LPP: variants seen among roughly 807,000 people sequenced by gnomAD.
LPP encodes the protein LIM domain containing preferred translocation partner in lipoma.
A neutral mutation model predicts 60.4 loss-of-function variants in LPP; 38 were observed. That is an observed-to-expected ratio of 0.63 (90% CI 0.49 to 0.83). The LOEUF (loss-of-function observed/expected upper bound fraction) is 0.83. Ranked by LOEUF, LPP falls within the 40% of genes least tolerant of loss-of-function variation. The pLI is 0.00. For missense variants in LPP, 902 were observed against 783.6 expected (o/e 1.15, Z -1.80); for synonymous variants, 328 against 290.8 (o/e 1.13, Z -1.30).
intron 1 of LPP, among the ~76,000 whole-genome samples, chr3:188,185,913 ATGGGTCT>A (rs1726462373): frequency 6.6e-6 from 1 of 152,322 alleles, no homozygotes; most frequent in Non-Finnish European, 1.5e-5. Context: ...GTGCCCATAA[ATGGGTCT>A]TAAATGACTG....
At chr3:188,260,995 C>T (rs1371320077) in intron 2 of LPP, among the ~76,000 whole-genome samples, 1 of 152,106 alleles carries the variant, frequency 6.6e-6, no homozygotes, top group Non-Finnish European at 1.5e-5. Flanking sequence ...ATCCCTTGAA[C>T]CCGGGAGGCG....
chr3:188,716,555 G>T (rs1714087002), intron 8 of LPP, among the ~76,000 whole-genome samples: 1 of 152,196 alleles, frequency 6.6e-6, no homozygotes, highest in African/African-American at 2.4e-5. Flanking sequence ...TTGAAGGTAT[G>T]GAGAGAGGAA....
At chr3:188,787,524 A>ACAC (rs1414633548) in intron 9 of LPP, among the ~76,000 whole-genome samples, 1 of 151,996 alleles carries the variant, frequency 6.6e-6, no homozygotes, top group Non-Finnish European at 1.5e-5. Context: ...CTCTCCACTT[A>ACAC]CACCACACTT....
chr3:188,495,154 ATATT>A (rs1388749361), intron 5 of LPP, among the ~76,000 whole-genome samples: 6 of 112,238 alleles, frequency 5.3e-5, no homozygotes, highest in Non-Finnish European at 8.7e-5. Context: ...TATTATATTT[ATATT>A]TATTTATATA....
At chr3:188,423,515 C>G (rs1486122157) in intron 4 of LPP, among the ~76,000 whole-genome samples, 3 of 152,122 alleles carry the variant, frequency 2.0e-5, no homozygotes, top group East Asian at 1.9e-4. Context: ...CTTGAGGAAT[C>G]GCCACACTCT....
At chr3:188,797,086 G>A (rs559887155) in intron 9 of LPP, among the ~76,000 whole-genome samples, 42 of 151,608 alleles carry the variant, frequency 2.8e-4, no homozygotes, top group African/African-American at 9.0e-4. Flanking sequence ...TAGAATAGCC[G>A]TTAGAGGGAA....
Position 188,883,786 on chromosome 3 carries a change from T to C in LPP, c.*9307T>C, listed in dbSNP as rs1770343607. 5.2e-6 allele frequency: 1 copy of C among 191,618 alleles called. No homozygotes were observed. The highest frequency in any genetic ancestry group is 8.0e-5 in the East Asian group (1 of 12,556). 11.9% of individuals were successfully genotyped at this position (191,618 alleles called of 1,614,324 possible). A position where few individuals can be genotyped will look rare whatever the true frequency, so the allele number is the denominator to read the frequency against. On this transcript the variant is annotated 3_prime_UTR_variant, in exon 12 of 12. Coordinates refer to ENST00000617246, the MANE Select transcript of LPP (RefSeq NM_001375462.1). ...GAAATATTGGTGTATAATCCCCATG[T>C]CTAACAAGGAAGAAGTCAAAAGCAA...
chr3:188,819,070 GTTAC>G (rs1454626607), intron 9 of LPP, among the ~76,000 whole-genome samples: 1 of 135,838 alleles, frequency 7.4e-6, no homozygotes, highest in Non-Finnish European at 1.6e-5. Flanking sequence ...GTGTGTGTGT[GTTAC>G]TTACAATGTT....
intron 7 of LPP, among the ~76,000 whole-genome samples, chr3:188,660,802 G>A (rs1576895845): frequency 1.3e-5 from 2 of 152,080 alleles, no homozygotes; most frequent in South Asian, 4.2e-4. Context: ...CATCTCTGAC[G>A]AGAGTGGCAC....
intron 3 of LPP, among the ~76,000 whole-genome samples, chr3:188,401,745 C>T (rs143681329): frequency 1.3e-5 from 2 of 152,166 alleles, no homozygotes; most frequent in African/African-American, 2.4e-5. Context: ...CAAGGATTTG[C>T]GAGTTTAGTT....
chr3:188,406,023 G>A, intron 3 of LPP, 89 bp from the exon 4 acceptor site: 1 of 1,145,846 alleles, frequency 8.7e-7, no homozygotes, highest in Non-Finnish European at 1.2e-6. Context: ...GATGCATTTA[G>A]TATGGATTAA....
chr3:188,420,269 T>G (rs1181386376), intron 4 of LPP, among the ~76,000 whole-genome samples: 8 of 152,202 alleles, frequency 5.3e-5, no homozygotes, highest in Admixed American at 5.2e-4. Flanking sequence ...GCATTACACC[T>G]TTGTTAGAAG....
Position 188,804,195 on chromosome 3 carries a change from C to T in LPP, c.1410+43913C>T, listed in dbSNP as rs1260444899. ...TTATTCTAGTAGCTTTTTTTTTATTCGGGGGGAGGTTTAATGAAAAAAATT... is the reference window on the plus strand; with the variant it reads ...TTATTCTAGTAGCTTTTTTTTTATTTGGGGGGAGGTTTAATGAAAAAAATT... On this transcript the variant is annotated intron_variant, in intron 9 of 11. Coordinates refer to ENST00000617246, the MANE Select transcript of LPP (RefSeq NM_001375462.1). Among the ~76,000 whole-genome samples, 28 of 115,050 alleles carry T rather than the reference C, an allele frequency of 2.4e-4. No homozygotes were observed. In the East Asian group the frequency reaches 5.9e-3, roughly 24 times the overall value. 75.5% of individuals were successfully genotyped at this position (115,050 alleles called of 152,430 possible). A position where few individuals can be genotyped will look rare whatever the true frequency, so the allele number is the denominator to read the frequency against.
At chr3:188,811,673 G>A (rs987905138) in intron 9 of LPP, among the ~76,000 whole-genome samples, 28 of 151,958 alleles carry the variant, frequency 1.8e-4, no homozygotes, top group Non-Finnish European at 3.4e-4. Flanking sequence ...TCTTGGGGTC[G>A]AAAACTTTCT....
At chr3:188,477,069 C>T (rs1340408007) in intron 4 of LPP, among the ~76,000 whole-genome samples, 2 of 152,212 alleles carry the variant, frequency 1.3e-5, no homozygotes, top group African/African-American at 2.4e-5. Context: ...TGTGATCCCA[C>T]TGACATAGTG....
rs538097099 is a variant in LPP at position 188,244,983 on chromosome 3, G to A, written c.-67+19456G>A. ...TGAGGGCATGGACCGTGTCTAATGG[G>A]TGGCTACCTAGTGTCTCATTCTTGG... On this transcript the variant is annotated intron_variant, in intron 2 of 11. Coordinates refer to ENST00000617246, the MANE Select transcript of LPP (RefSeq NM_001375462.1). Among the ~76,000 whole-genome samples, 3 of 152,288 alleles carry A rather than the reference G, an allele frequency of 2.0e-5. No homozygotes were observed. The South Asian group carries it at 6.2e-4, about 32-fold the overall frequency.
chr3:188,174,445 T>C (rs1219433449), intron 1 of LPP, among the ~76,000 whole-genome samples: 6 of 152,236 alleles, frequency 3.9e-5, no homozygotes, highest in African/African-American at 7.2e-5. Context: ...GCGCAGGCAT[T>C]GATACCCGAG....
intron 2 of LPP, among the ~76,000 whole-genome samples, chr3:188,292,812 T>G (rs1361562060): frequency 6.6e-6 from 1 of 152,224 alleles, no homozygotes; most frequent in Non-Finnish European, 1.5e-5. Context: ...TGTTTCTCTT[T>G]TGACAGATGA....
At chr3:188,781,457 G>T (rs904858813) in intron 9 of LPP, among the ~76,000 whole-genome samples, 2 of 152,092 alleles carry the variant, frequency 1.3e-5, no homozygotes, top group Admixed American at 1.3e-4. Flanking sequence ...AAGAAAAGAG[G>T]TTTAATTGGC....
Sources: allele counts gnomAD v4.1 joint callset (sites outside exome capture counted in the v4.1 genomes callset), GRCh38; gene constraint gnomAD v4.1.1; transcripts MANE v1.5; gene names NCBI Gene and HGNC (gene_info 2026-07-23, HGNC 2026-07-21).